Variants in DLG2 observed in about 807,000 individuals in gnomAD.
DLG2 encodes the protein discs large MAGUK scaffold protein 2, also known as disks large homolog 2.
A neutral mutation model predicts 132.5 loss-of-function variants in DLG2; 45 were observed. The observed-to-expected ratio is 0.34, with a 90% confidence interval of 0.27 to 0.44. The LOEUF (loss-of-function observed/expected upper bound fraction) is 0.44. Among genes scored for constraint, DLG2 ranks in the 20% least tolerant of loss-of-function variants. DLG2 has a pLI of 1.00. For synonymous variants in DLG2, 424 were observed against 419.6 expected (o/e 1.01, Z -0.13); for missense variants, 1,045 against 1,196.9 (o/e 0.87, Z 1.87).
rs1591058623 is a variant in DLG2 at position 83,619,085 on chromosome 11, G to A, written c.1940+14126C>T. Among the ~76,000 whole-genome samples, 5 of 152,198 alleles carry A rather than the reference G, an allele frequency of 3.3e-5. No homozygotes were observed. In the South Asian group the frequency reaches 6.2e-4, roughly 19 times the overall value. On this transcript the variant is annotated intron_variant, in intron 19 of 27. Coordinates refer to ENST00000376104, the MANE Select transcript of DLG2 (RefSeq NM_001142699.3). ...TCCATTCCATCATACTTGCTCTAAG[G>A]CAGTCAGAAGATCCTGCAATCGTCT...
intron 7 of DLG2, among the ~76,000 whole-genome samples, chr11:84,453,045 A>G (rs1602392969): frequency 6.6e-6 from 1 of 151,636 alleles, no homozygotes; most frequent in Non-Finnish European, 1.5e-5. Context: ...CCCCAAAAAT[A>G]TGTATATCTA....
At chr11:84,351,826 T>A (rs184026256) in intron 7 of DLG2, among the ~76,000 whole-genome samples, 3 of 152,220 alleles carry the variant, frequency 2.0e-5, no homozygotes, top group Admixed American at 6.5e-5. Context: ...ACTGTAACAA[T>A]GGAGGAGAAG....
chr11:83,493,731 A>G (rs1257426483), intron 21 of DLG2, among the ~76,000 whole-genome samples: 1 of 152,046 alleles, frequency 6.6e-6, no homozygotes, highest in Non-Finnish European at 1.5e-5. Flanking sequence ...ATATCTCCCT[A>G]ACCTAGTACC....
intron 7 of DLG2, among the ~76,000 whole-genome samples, chr11:84,253,806 A>G (rs1180958156): frequency 1.3e-5 from 2 of 152,118 alleles, no homozygotes; most frequent in South Asian, 2.1e-4. Flanking sequence ...ACATTTGAAT[A>G]TTGTTTTTTC....
intron 2 of DLG2, among the ~76,000 whole-genome samples, chr11:85,626,361 G>A (rs1295510169): frequency 1.3e-5 from 2 of 152,006 alleles, no homozygotes; most frequent in Non-Finnish European, 2.9e-5. Context: ...TATTACCAAC[G>A]GTGATATAAA....
At chr11:84,517,210 C>CA (rs1377312687) in intron 7 of DLG2, among the ~76,000 whole-genome samples, 2 of 151,124 alleles carry the variant, frequency 1.3e-5, no homozygotes, top group African/African-American at 4.8e-5. Context: ...AAGGAAGAGG[C>CA]AACCTACATG....
At chr11:83,853,008 A>G (rs1051784753) in intron 16 of DLG2, among the ~76,000 whole-genome samples, 11 of 152,208 alleles carry the variant, frequency 7.2e-5, no homozygotes, top group African/African-American at 2.7e-4. Context: ...CAAAATCTGA[A>G]AGCCAACTTT....
intron 3 of DLG2, among the ~76,000 whole-genome samples, chr11:85,552,406 ATCACCTGAGGACTTTTCAC>A (rs2076716078): frequency 6.6e-6 from 1 of 151,710 alleles, no homozygotes; most frequent in Non-Finnish European, 1.5e-5. Flanking sequence ...AAGTTTACAA[ATCACCTGAGGACTTTTCAC>A]TTACCAAAAG....
intron 8 of DLG2, among the ~76,000 whole-genome samples, chr11:84,212,075 G>C (rs1263327905): frequency 6.6e-6 from 1 of 152,200 alleles, no homozygotes; most frequent in Non-Finnish European, 1.5e-5. Flanking sequence ...ATGCCGTTCT[G>C]TGTTTTTCTA....
intron 19 of DLG2, among the ~76,000 whole-genome samples, chr11:83,559,649 A>G (rs912178341): frequency 5.9e-5 from 9 of 152,222 alleles, no homozygotes; most frequent in African/African-American, 1.4e-4. Flanking sequence ...CTAAAATACT[A>G]TATTTCTTTG....
intron 23 of DLG2, among the ~76,000 whole-genome samples, chr11:83,472,382 A>G (rs531213694): frequency 1.3e-5 from 2 of 152,262 alleles, no homozygotes; most frequent in South Asian, 4.2e-4. Flanking sequence ...GTCATTCTCA[A>G]TACTGAGCTG....
rs548071801 is a variant in DLG2 at position 84,071,956 on chromosome 11, C to T, written c.750-12472G>A. On this transcript the variant is annotated intron_variant, in intron 10 of 27. Transcript: ENST00000376104. ...GGCTCTGAGGAATCCAGTCAGGGTG[C>T]TATATATGACTGAGCAGAAGCTAGT... Among the ~76,000 whole-genome samples the T allele has an allele frequency of 2.0e-3, 304 of 152,290 alleles. 2 individuals carry two copies. The highest frequency in any genetic ancestry group is 6.9e-3 in the African/African-American group (285 of 41,554).
chr11:84,193,480 G>A (rs888534940), intron 8 of DLG2, among the ~76,000 whole-genome samples: 1 of 152,158 alleles, frequency 6.6e-6, no homozygotes, highest in Non-Finnish European at 1.5e-5. Context: ...AGAATGGCTG[G>A]CATATAATAA....
In DLG2 at chr11:85,540,254, T is replaced by C. The variant is rs12294113; in HGVS notation, c.40+58403A>G. Among the ~76,000 whole-genome samples, 905 of 152,270 alleles carry C rather than the reference T, an allele frequency of 5.9e-3. 10 individuals carry two copies. The highest frequency in any genetic ancestry group is 0.02 in the African/African-American group (828 of 41,558). ...AATGTTGCATTTTCCAAGACCACTCTGGCCCACCACATCCCCCCATCCTGT... is the reference window on the plus strand; with the variant it reads ...AATGTTGCATTTTCCAAGACCACTCCGGCCCACCACATCCCCCCATCCTGT... On this transcript the variant is annotated intron_variant, in intron 3 of 27. Coordinates refer to ENST00000376104, the MANE Select transcript of DLG2 (RefSeq NM_001142699.3).
intron 3 of DLG2, among the ~76,000 whole-genome samples, chr11:85,289,978 G>A (rs555913676): frequency 2.7e-4 from 41 of 152,194 alleles, no homozygotes; most frequent in South Asian, 8.3e-4. Context: ...GTTTTTAAGC[G>A]CTATGCAAGG....
intron 7 of DLG2, among the ~76,000 whole-genome samples, chr11:84,436,468 A>T (rs2099001066): frequency 6.6e-6 from 1 of 152,218 alleles, no homozygotes; most frequent in African/African-American, 2.4e-5. Context: ...GAGTTTACAT[A>T]AAGCAGTAAA....
intron 17 of DLG2, among the ~76,000 whole-genome samples, chr11:83,803,837 G>A (rs1318271901): frequency 1.3e-5 from 2 of 152,080 alleles, no homozygotes; most frequent in African/African-American, 4.8e-5. Context: ...CATCTGAAAG[G>A]CTTGAGCAGG....
At chr11:84,965,409 G>A (rs1012316111) in intron 6 of DLG2, among the ~76,000 whole-genome samples, 4 of 152,056 alleles carry the variant, frequency 2.6e-5, no homozygotes, top group Non-Finnish European at 2.9e-5. Flanking sequence ...CCTTACTGAA[G>A]TGAAGAAATA....
At chr11:84,631,632 A>G (rs1243059898) in intron 6 of DLG2, among the ~76,000 whole-genome samples, 2 of 152,152 alleles carry the variant, frequency 1.3e-5, no homozygotes, top group Non-Finnish European at 2.9e-5. Flanking sequence ...CGATATTACA[A>G]TAGGCCATAC....
Sources: gnomAD v4.1 joint callset for allele counts (sites outside exome capture counted in the v4.1 genomes callset) on GRCh38, gnomAD v4.1.1 for gene constraint, MANE v1.5 for transcripts, NCBI Gene and HGNC (gene_info 2026-07-23, HGNC 2026-07-21) for gene names.